Variants in TBL1X observed in about 807,000 individuals in gnomAD.
TBL1X encodes F-box-like/WD repeat-containing protein TBL1X.
A neutral mutation model predicts 50.7 loss-of-function variants in TBL1X; 10 were observed. That is an observed-to-expected ratio of 0.20 (90% CI 0.12 to 0.33). TBL1X has a LOEUF of 0.33. TBL1X is among the 10% of genes least tolerant of loss of function. TBL1X has a pLI of 1.00. For missense variants in TBL1X, 340 were observed against 504.4 expected (o/e 0.67, Z 3.12); for synonymous variants, 190 against 214.7 (o/e 0.88, Z 1.01).
At chrX:9,525,999 C>T (rs769314859) in intron 2 of TBL1X, among the ~76,000 whole-genome samples, 1 of 110,982 alleles carries the variant, frequency 9.0e-6, no homozygotes, top group Non-Finnish European at 1.9e-5. Flanking sequence ...ATTTTTGTTT[C>T]TAGTCTTGTT....
chrX:9,472,625 A>G (rs915873547), intron 1 of TBL1X, among the ~76,000 whole-genome samples: 1 of 110,255 alleles, frequency 9.1e-6, no homozygotes, highest in Non-Finnish European at 1.9e-5. Context: ...ACCATATAAA[A>G]TAATTTTAAG....
chrX:9,471,076 G>A (rs754461686), intron 1 of TBL1X, among the ~76,000 whole-genome samples: 2 of 112,636 alleles, frequency 1.8e-5, no homozygotes, highest in South Asian at 3.6e-4. Context: ...GACCTTTGCC[G>A]TTTTCCCAAT....
At chrX:9,491,338 A>ATATATATATATTTTTT (rs1328551249) in intron 1 of TBL1X, among the ~76,000 whole-genome samples, 1 of 31,316 alleles carries the variant, frequency 3.2e-5, no homozygotes, top group African/African-American at 1.2e-4. Flanking sequence ...ATATATATAT[A>ATATATATATATTTTTT]TTTTTTTTTT....
chrX:9,706,955 C>A (rs1021094265), intron 13 of TBL1X, among the ~76,000 whole-genome samples: 1 of 111,744 alleles, frequency 8.9e-6, no homozygotes, highest in Non-Finnish European at 1.9e-5. Context: ...TTCACGGCAC[C>A]CCCTGAGCTC....
chrX:9,628,568 A>G (rs1366923121), intron 2 of TBL1X, among the ~76,000 whole-genome samples: 2 of 102,200 alleles, frequency 2.0e-5, no homozygotes, highest in African/African-American at 3.8e-5. Flanking sequence ...TTTTTTTGAG[A>G]CGGAGTCTTG....
chrX:9,692,143 C>T lies in TBL1X; in HGVS notation c.780C>T (p.Asn260=). The change falls in exon 9 of 18, where the codon AAC becomes AAT. Residue 260 remains asparagine (N), a synonymous_variant. Coordinates refer to ENST00000645353, the MANE Select transcript of TBL1X (RefSeq NM_005647.4). The part of the protein sequence containing the change: ...GSGDSTARIW[N]LNENSNGGST... ...GAGACTCAACTGCAAGGATATGGAACCTGAATGAGAATAGCAACGGGGGCT... is the reference window on the plus strand; with the variant it reads ...GAGACTCAACTGCAAGGATATGGAATCTGAATGAGAATAGCAACGGGGGCT... The T allele has an allele frequency of 8.3e-7, 1 of 1,211,647 alleles. No homozygotes were observed. Among genetic ancestry groups the T allele is most frequent in the Non-Finnish European group, 1.1e-6 (1 of 895,513 alleles).
At position 9,677,281 on chromosome X, in the gene TBL1X, G is replaced by C. The variant is rs1051610564; in HGVS notation, c.212-6762G>C. 3.6e-5 allele frequency among the ~76,000 whole-genome samples: 4 copies of C among 111,161 alleles called. No homozygotes were observed. The East Asian group carries it at 8.4e-4, about 23-fold the overall frequency. ...GTGCTGACTCCGCTATGAATAAGGA[G>C]GTTGGAAAACTGTCAGCATTTGCAG... On this transcript the variant is annotated intron_variant, in intron 5 of 17. Coordinates refer to ENST00000645353, the MANE Select transcript of TBL1X (RefSeq NM_005647.4).
At chrX:9,714,523 A>G (rs952302881) in intron 16 of TBL1X, among the ~76,000 whole-genome samples, 5 of 111,704 alleles carry the variant, frequency 4.5e-5, no homozygotes, top group African/African-American at 1.6e-4. Context: ...AGAGTCAGGG[A>G]TGGCCCTTAC....
chrX:9,558,432 G>A (rs1487966633), intron 2 of TBL1X, among the ~76,000 whole-genome samples: 2 of 110,151 alleles, frequency 1.8e-5, no homozygotes, highest in African/African-American at 6.6e-5. Flanking sequence ...CAGGAGAATT[G>A]CTTGAACCTG....
intron 2 of TBL1X, among the ~76,000 whole-genome samples, chrX:9,574,998 C>T (rs976397389): frequency 2.2e-4 from 24 of 111,498 alleles, no homozygotes; most frequent in African/African-American, 6.5e-4. Flanking sequence ...TCTGTTTTCA[C>T]GCTGCTATAA....
intron 2 of TBL1X, among the ~76,000 whole-genome samples, chrX:9,520,954 T>C (rs991326375): frequency 2.7e-5 from 3 of 110,873 alleles, no homozygotes; most frequent in Non-Finnish European, 5.7e-5. Context: ...AAAAATTAGC[T>C]GGACATAGTA....
At chrX:9,535,382 G>A (rs1045262718) in intron 2 of TBL1X, among the ~76,000 whole-genome samples, 1 of 112,373 alleles carries the variant, frequency 8.9e-6, no homozygotes, top group African/African-American at 3.2e-5. Context: ...TTGCAGCCAG[G>A]CTTGCGAGTG....
intron 5 of TBL1X, among the ~76,000 whole-genome samples, chrX:9,661,464 G>A (rs990261226): frequency 2.7e-5 from 3 of 111,591 alleles, no homozygotes; most frequent in East Asian, 2.8e-4. Flanking sequence ...GGTCAAGGCT[G>A]CAGTGAGCCA....
intron 5 of TBL1X, among the ~76,000 whole-genome samples, chrX:9,667,799 A>T (rs931446100): frequency 2.7e-5 from 3 of 111,760 alleles, no homozygotes; most frequent in African/African-American, 9.7e-5. Flanking sequence ...CAAAGTAAAG[A>T]TTTTTTCCTT....
At chrX:9,577,223 C>T (rs1246449674) in intron 2 of TBL1X, among the ~76,000 whole-genome samples, 1 of 111,811 alleles carries the variant, frequency 8.9e-6, no homozygotes, top group African/African-American at 3.3e-5. Flanking sequence ...CATGGCCCCA[C>T]ATTCGGCTCT....
intron 2 of TBL1X, among the ~76,000 whole-genome samples, chrX:9,583,562 A>G (rs997670858): frequency 2.7e-5 from 3 of 111,933 alleles, no homozygotes; most frequent in Non-Finnish European, 5.6e-5. Flanking sequence ...AATGTCATTG[A>G]TAAATATAAA....
chrX:9,492,890 T>TAG (rs1403209117), intron 1 of TBL1X, among the ~76,000 whole-genome samples: 7 of 21,218 alleles, frequency 3.3e-4, no homozygotes, highest in African/African-American at 5.9e-4. Flanking sequence ...TGTGTGTGTG[T>TAG]GTGTGTGTAG....
At chrX:9,511,757 T>A (rs1181693464) in intron 2 of TBL1X, among the ~76,000 whole-genome samples, 1 of 112,731 alleles carries the variant, frequency 8.9e-6, no homozygotes, top group Non-Finnish European at 1.9e-5. Flanking sequence ...GGTCCAAGTT[T>A]AATAATGAAG....
At chrX:9,617,539 T>C (rs761018434) in intron 2 of TBL1X, among the ~76,000 whole-genome samples, 23 of 112,509 alleles carry the variant, frequency 2.0e-4, no homozygotes, top group Non-Finnish European at 3.8e-4. Flanking sequence ...CAGTGTTTTA[T>C]TCTAGTTCAA....
Sources: gnomAD v4.1 joint callset for allele counts (sites outside exome capture counted in the v4.1 genomes callset) on GRCh38, gnomAD v4.1.1 for gene constraint, MANE v1.5 for transcripts, NCBI Gene and HGNC (gene_info 2026-07-23, HGNC 2026-07-21) for gene names.